MAGI2: variants seen among roughly 807,000 people sequenced by gnomAD.
MAGI2 encodes the protein membrane associated guanylate kinase, WW and PDZ domain containing 2, also known as membrane-associated guanylate kinase, WW and PDZ domain-containing protein 2.
Under a neutral mutation model 133.3 loss-of-function variants are expected in MAGI2, and 35 were observed. The ratio of observed to expected loss-of-function variants is 0.26; its 90% CI spans 0.20 to 0.35. The LOEUF (loss-of-function observed/expected upper bound fraction) is 0.35, where lower values mean the gene tolerates loss of function less well. Among genes scored for constraint, MAGI2 ranks in the 10% least tolerant of loss-of-function variants. MAGI2 has a pLI of 1.00. For synonymous variants in MAGI2, 729 were observed against 710.6 expected (o/e 1.03, Z -0.41); for missense variants, 1,636 against 1,863.4 (o/e 0.88, Z 2.25).
intron 2 of MAGI2, among the ~76,000 whole-genome samples, chr7:78,657,825 C>T (rs1049660114): frequency 4.6e-5 from 7 of 152,084 alleles, no homozygotes; most frequent in South Asian, 4.1e-4. Context: ...TGATAATGTA[C>T]GTGTTCAGCA....
intron 2 of MAGI2, among the ~76,000 whole-genome samples, chr7:78,970,253 TGTTAA>T (rs1398710243): frequency 6.6e-6 from 1 of 152,100 alleles, no homozygotes; most frequent in Non-Finnish European, 1.5e-5. Context: ...ACAGATACTT[TGTTAA>T]GCAAGTGACT....
At chr7:78,624,870 T>C (rs1480644838) in intron 3 of MAGI2, among the ~76,000 whole-genome samples, 2 of 152,320 alleles carry the variant, frequency 1.3e-5, no homozygotes, top group African/African-American at 4.8e-5. Flanking sequence ...AGATAATTAC[T>C]GTATTTTACT....
chr7:78,299,949 ATTTTTC>A (rs1797689645), intron 9 of MAGI2, among the ~76,000 whole-genome samples: 1 of 152,140 alleles, frequency 6.6e-6, no homozygotes, highest in Admixed American at 6.6e-5. Flanking sequence ...AACGAGTAAA[ATTTTTC>A]TTTTTCATCA....
chr7:79,361,645 C>T (rs189908528), intron 1 of MAGI2, among the ~76,000 whole-genome samples: 13 of 152,286 alleles, frequency 8.5e-5, no homozygotes, highest in African/African-American at 3.1e-4. Context: ...TGCTTTTCTT[C>T]ACATTCCCAT....
At chr7:78,125,915 C>A in intron 19 of MAGI2, 78 bp from the exon 20 acceptor site, 1 of 1,378,454 alleles carries the variant, frequency 7.3e-7, no homozygotes, top group South Asian at 1.3e-5. Flanking sequence ...TCTGTGTTCT[C>A]CTTCTGTCTC....
At chr7:78,893,431 G>C (rs1056191084) in intron 2 of MAGI2, among the ~76,000 whole-genome samples, 1 of 152,058 alleles carries the variant, frequency 6.6e-6, no homozygotes, top group African/African-American at 2.4e-5. Context: ...ACAGGCACAC[G>C]TATGTTTATT....
At chr7:78,669,615 C>T (rs1814093451) in intron 2 of MAGI2, among the ~76,000 whole-genome samples, 1 of 149,266 alleles carries the variant, frequency 6.7e-6, no homozygotes, top group Admixed American at 6.7e-5. Flanking sequence ...AGAGACACAA[C>T]AAAAAAAGAG....
At chr7:79,257,703 A>G (rs1039001463) in intron 1 of MAGI2, among the ~76,000 whole-genome samples, 1 of 152,244 alleles carries the variant, frequency 6.6e-6, no homozygotes, top group African/African-American at 2.4e-5. Context: ...GACTGCTCTA[A>G]AACAAATTAG....
chr7:79,317,144 T>C (rs1838800671), intron 1 of MAGI2, among the ~76,000 whole-genome samples: 1 of 150,938 alleles, frequency 6.6e-6, no homozygotes, highest in South Asian at 2.1e-4. Context: ...TGTCTCAGCC[T>C]CCTGAGTAGC....
At chr7:79,280,476 G>A (rs988672856) in intron 1 of MAGI2, among the ~76,000 whole-genome samples, 8 of 152,136 alleles carry the variant, frequency 5.3e-5, no homozygotes, top group Non-Finnish European at 1.5e-5. Flanking sequence ...CAGATGACAG[G>A]AAGTTTTCGG....
At chr7:78,562,383 T>C (rs1003956476) in intron 3 of MAGI2, among the ~76,000 whole-genome samples, 4 of 152,168 alleles carry the variant, frequency 2.6e-5, no homozygotes, top group African/African-American at 7.2e-5. Flanking sequence ...TTAGCAACAA[T>C]AACCACACAA....
At chr7:78,621,979 C>A (rs1040250184) in intron 3 of MAGI2, among the ~76,000 whole-genome samples, 3 of 152,040 alleles carry the variant, frequency 2.0e-5, no homozygotes, top group African/African-American at 7.2e-5. Context: ...AGCATAGAAA[C>A]ACCATAAAAT....
At chr7:78,545,846 A>G (rs1353669144) in intron 3 of MAGI2, among the ~76,000 whole-genome samples, 1 of 152,190 alleles carries the variant, frequency 6.6e-6, no homozygotes, top group Non-Finnish European at 1.5e-5. Flanking sequence ...TGGTGTTTAT[A>G]ATCCCTACCT....
chr7:79,007,990 A>G (rs903293262), intron 1 of MAGI2, among the ~76,000 whole-genome samples: 3 of 152,044 alleles, frequency 2.0e-5, no homozygotes, highest in Non-Finnish European at 4.4e-5. Flanking sequence ...AAAAGCCAAT[A>G]ATGTAGATCT....
At chr7:79,235,886 C>T (rs536830386) in intron 1 of MAGI2, among the ~76,000 whole-genome samples, 11 of 152,314 alleles carry the variant, frequency 7.2e-5, no homozygotes, top group South Asian at 4.1e-4. Flanking sequence ...TTTGTATTTT[C>T]GGGTTCTTGG....
At chr7:78,696,145 G>T (rs1045103325) in intron 2 of MAGI2, among the ~76,000 whole-genome samples, 5 of 151,972 alleles carry the variant, frequency 3.3e-5, no homozygotes, top group Non-Finnish European at 4.4e-5. Flanking sequence ...TTGCCATCTT[G>T]CCCAGGCTGC....
At chr7:78,476,378 C>T (rs1014276522) in intron 6 of MAGI2, among the ~76,000 whole-genome samples, 3 of 151,690 alleles carry the variant, frequency 2.0e-5, no homozygotes, top group Non-Finnish European at 2.9e-5. Context: ...AAAGATAATG[C>T]GGGAGAAAGT....
At chr7:78,660,581 C>T (rs1812838204) in intron 2 of MAGI2, among the ~76,000 whole-genome samples, 1 of 152,212 alleles carries the variant, frequency 6.6e-6, no homozygotes, top group African/African-American at 2.4e-5. Context: ...AAAAAAGGAA[C>T]ATTTAAGAAG....
intron 2 of MAGI2, among the ~76,000 whole-genome samples, chr7:78,730,131 ATAAT>A (rs1821227008): frequency 6.6e-6 from 1 of 152,184 alleles, no homozygotes; most frequent in Non-Finnish European, 1.5e-5. Context: ...ATTATTCCAA[ATAAT>A]TAAAAATTAT....
Sources: allele counts gnomAD v4.1 joint callset (sites outside exome capture counted in the v4.1 genomes callset), GRCh38; gene constraint gnomAD v4.1.1; transcripts MANE v1.5; gene names NCBI Gene and HGNC (gene_info 2026-07-23, HGNC 2026-07-21).